Variants in MXD3 observed in about 807,000 individuals in gnomAD.
MXD3 encodes Max-associated protein 3.
A neutral mutation model predicts 27.5 loss-of-function variants in MXD3; 20 were observed. The observed-to-expected ratio is 0.73, with a 90% CI of 0.51 to 1.06. The LOEUF (loss-of-function observed/expected upper bound fraction) is 1.06. Among genes scored for constraint, MXD3 ranks in the 50% least tolerant of loss-of-function variants. The probability of loss-of-function intolerance (pLI) is 0.00; values close to 1 mark genes in which losing one functional copy is unlikely to be tolerated. For missense variants in MXD3, 298 were observed against 291.3 expected, an observed-to-expected ratio of 1.02 and a Z score of -0.17; for synonymous variants, 150 against 130.7, an observed-to-expected ratio of 1.15 and a Z score of -1.01.
chr5:177,312,651 GC>G (rs1301464793), upstream of MXD3: 7 of 985,468 alleles, frequency 7.1e-6, no homozygotes, highest in South Asian at 4.7e-5. Flanking sequence ...TAATATCTCG[GC>G]CCCCCTCCTC....
intron 4 of MXD3, among the ~76,000 whole-genome samples, chr5:177,309,981 A>G (rs1407470408): frequency 6.6e-6 from 1 of 152,168 alleles, no homozygotes; most frequent in Non-Finnish European, 1.5e-5. Context: ...AGGTGGCACC[A>G]GGATAGACTG....
chr5:177,308,738 T>C (rs906162333), intron 4 of MXD3, among the ~76,000 whole-genome samples: 4 of 152,174 alleles, frequency 2.6e-5, no homozygotes, highest in Admixed American at 6.5e-5. Context: ...TTTTGAGGGA[T>C]TGACAGCTAA....
chr5:177,312,217 A>C (rs531418464), upstream of MXD3: 1 of 991,110 alleles, frequency 1.0e-6, no homozygotes, highest in East Asian at 1.1e-4. Context: ...CTAGCCCCCA[A>C]CATAGCACGG....
Position 177,311,363 on chromosome 5 carries a change from C to A in MXD3, c.176+16G>T, listed in dbSNP as rs749343493. On this transcript the variant is annotated intron_variant, in intron 2 of 5. Transcript: ENST00000439742. The stretch of plus-strand genomic sequence containing the variant: ...CCCACCCCCACCCCCACTCCCGCCG[C>A]CCCCGGCCTCCTCACCGCCCGCTGT... 16 of 1,426,196 alleles carry A rather than the reference C, an allele frequency of 1.1e-5. No individual in the cohort carries two copies. The highest frequency in any genetic ancestry group is 1.4e-5 in the Non-Finnish European group (15 of 1,094,262). 88.3% of individuals were successfully genotyped at this position (1,426,196 alleles called of 1,614,324 possible).
At chr5:177,312,617 G>A (rs921004880), upstream of MXD3, 52 of 985,354 alleles carry the variant, frequency 5.3e-5, no homozygotes, top group Non-Finnish European at 5.8e-5. Flanking sequence ...GTGGGCCCCA[G>A]CTTCCTACTG....
At chr5:177,306,828 A>G (rs1326433406), downstream of MXD3, 2 of 741,922 alleles carry the variant, frequency 2.7e-6, no homozygotes, top group Non-Finnish European at 4.3e-6. Context: ...GGTAGCCTGC[A>G]GGTTAACTGG....
downstream of MXD3, chr5:177,305,772 T>C (rs764669777): frequency 2.4e-5 from 23 of 954,608 alleles, no homozygotes; most frequent in Non-Finnish European, 3.6e-5. Flanking sequence ...GGATTTTCAT[T>C]GTATTGCTTC....
chr5:177,306,230 G>T, downstream of MXD3: 1 of 1,585,698 alleles, frequency 6.3e-7, no homozygotes, highest in Non-Finnish European at 8.7e-7. Context: ...ATTCAGCCTA[G>T]CGGGCGTGGA....
intron 4 of MXD3, among the ~76,000 whole-genome samples, chr5:177,309,816 G>C (rs1167918442): frequency 1.3e-5 from 2 of 152,234 alleles, no homozygotes; most frequent in Admixed American, 1.3e-4. Flanking sequence ...GGCCACTTCT[G>C]ACATGGCCAG....
chr5:177,312,737 G>A (rs1424037774), upstream of MXD3: 2 of 985,416 alleles, frequency 2.0e-6, no homozygotes, highest in African/African-American at 1.7e-5. Flanking sequence ...ATACCCTGGA[G>A]GCACGCGAAA....
Position 177,307,925 on chromosome 5 carries a change from CCTT to C in MXD3, c.358_360del (p.Lys120del). The C allele has an allele frequency of 1.3e-6, 2 of 1,588,510 alleles. No individual in the cohort carries two copies. Among genetic ancestry groups the C allele is most frequent in the Non-Finnish European group, 1.7e-6 (2 of 1,167,346 alleles). On this transcript the variant is annotated inframe_deletion, in exon 5 of 6. Transcript: ENST00000439742. ...CTCTGCTGCTTGCTGCGCAGCCTCT[CCTT>C]GAGCTGTCGGGCCCGCTGCTCCTGA... is the stretch of plus-strand genomic sequence containing the variant.
rs751534059 is a variant in MXD3, at chr5:177,310,413, TG to T, written c.321+12del. The T allele has an allele frequency of 2.6e-5, 42 of 1,604,958 alleles. No individual in the cohort carries two copies. The highest frequency in any genetic ancestry group is 1.3e-4 in the Admixed American group (8 of 59,610). ...CCAGGGCAAGCCAGTCCGGGCGCAG[TG>T]GGGGGCCTCACCTGGATGTGCATCC... On this transcript the variant is annotated intron_variant, in intron 4 of 5. Coordinates refer to ENST00000439742, the MANE Select transcript of MXD3 (RefSeq NM_031300.4).
upstream of MXD3, chr5:177,311,956 C>A: frequency 7.5e-7 from 1 of 1,339,316 alleles, no homozygotes; most frequent in Non-Finnish European, 9.7e-7. Context: ...CCGGGACGCC[C>A]CGCCCGCGGG....
upstream of MXD3, chr5:177,312,743 C>G (rs1158169814): frequency 1.0e-6 from 1 of 985,404 alleles, no homozygotes; most frequent in African/African-American, 1.7e-5. Flanking sequence ...TGGAGGCACG[C>G]GAAATGGCCT....
At chr5:177,305,722 T>C (rs1238498673), downstream of MXD3, 3 of 666,676 alleles carry the variant, frequency 4.5e-6, no homozygotes, top group South Asian at 1.8e-5. Flanking sequence ...GGCTTCTTGT[T>C]CTGTCAGTGC....
downstream of MXD3, chr5:177,306,347 T>C: frequency 6.2e-7 from 1 of 1,603,566 alleles, no homozygotes; most frequent in Non-Finnish European, 8.5e-7. Flanking sequence ...CAGAGGAGAT[T>C]GGTGTCATGG....
chr5:177,308,924 C>G (rs368525569), intron 4 of MXD3, among the ~76,000 whole-genome samples: 95 of 152,326 alleles, frequency 6.2e-4, no homozygotes, highest in African/African-American at 2.2e-3. Context: ...AGGGCTCTCC[C>G]AGGCGGAGCC....
rs749121301 is a variant in MXD3, at chr5:177,307,367, G to A, written c.*221C>T. The A allele has an allele frequency of 4.6e-6, 7 of 1,512,974 alleles. No homozygotes were observed. Among genetic ancestry groups the A allele is most frequent in the East Asian group, 2.5e-5 (1 of 40,752 alleles). The allele number at this position is 1,512,974 out of a possible 1,614,324, so 93.7% of individuals were successfully genotyped here. A position where few individuals can be genotyped will look rare whatever the true frequency, so the allele number is the denominator to read the frequency against. On this transcript the variant is annotated 3_prime_UTR_variant, in exon 6 of 6. Transcript: ENST00000439742. ...CGGGCCCAAGCTGCCTGCCCTGCAGGGGTCCAGGGAGGTCCTGATGAGTCC... is the reference window on the plus strand; with the variant it reads ...CGGGCCCAAGCTGCCTGCCCTGCAGAGGTCCAGGGAGGTCCTGATGAGTCC...
chr5:177,310,595 A>G, intron 3 of MXD3, 55 bp from the exon 4 acceptor site: 3 of 1,612,630 alleles, frequency 1.9e-6, no homozygotes, highest in South Asian at 1.1e-5. Flanking sequence ...GGCCACAGGA[A>G]TGGCAGGGGA....
Sources: allele counts gnomAD v4.1 joint callset (sites outside exome capture counted in the v4.1 genomes callset), GRCh38; gene constraint gnomAD v4.1.1; transcripts MANE v1.5; gene names NCBI Gene and HGNC (gene_info 2026-07-23, HGNC 2026-07-21).